The following RBMS3 variants were observed in gnomAD, a reference collection of about 807,000 sequenced individuals.
The protein encoded by RBMS3 is RNA-binding motif, single-stranded-interacting protein 3.
Under a neutral mutation model 66.8 loss-of-function variants are expected in RBMS3, and 27 were observed. That is an observed-to-expected ratio of 0.40 (90% CI 0.30 to 0.56). RBMS3 has a LOEUF of 0.56. Among genes scored for constraint, RBMS3 ranks in the 20% least tolerant of loss-of-function variants. The probability of loss-of-function intolerance (pLI) is 0.40; values close to 1 mark genes in which losing one functional copy is unlikely to be tolerated. For missense variants in RBMS3, 513 were observed against 549.5 expected, an observed-to-expected ratio of 0.93 and a Z score of 0.66; for synonymous variants, 188 against 183.0, an observed-to-expected ratio of 1.03 and a Z score of -0.22.
intron 2 of RBMS3, among the ~76,000 whole-genome samples, chr3:29,486,596 A>C (rs2043329597): frequency 1.3e-5 from 2 of 152,208 alleles, no homozygotes; most frequent in African/African-American, 4.8e-5. Flanking sequence ...AAATACTCAC[A>C]AATGCTTTCC....
At chr3:29,513,035 G>A (rs955764657) in intron 3 of RBMS3, among the ~76,000 whole-genome samples, 1 of 152,056 alleles carries the variant, frequency 6.6e-6, no homozygotes, top group African/African-American at 2.4e-5. Context: ...ATTATTTTCA[G>A]CAAGACCCCT....
chr3:29,619,242 C>A (rs1376006445), intron 4 of RBMS3, among the ~76,000 whole-genome samples: 1 of 148,196 alleles, frequency 6.7e-6, no homozygotes, highest in South Asian at 2.1e-4. Flanking sequence ...TGTGACAAAC[C>A]TGCATGTTCT....
intron 1 of RBMS3, among the ~76,000 whole-genome samples, chr3:29,377,284 G>T (rs1164445094): frequency 6.6e-6 from 1 of 152,182 alleles, no homozygotes; most frequent in African/African-American, 2.4e-5. Context: ...CTGGTTGTCA[G>T]ATGTGCTGGG....
At chr3:29,748,395 C>T (rs1576687500) in intron 5 of RBMS3, among the ~76,000 whole-genome samples, 1 of 152,124 alleles carries the variant, frequency 6.6e-6, no homozygotes, top group South Asian at 2.1e-4. Flanking sequence ...TTGAAGATGG[C>T]CACTCAGGAG....
chr3:29,898,968 C>T (rs1202376566), intron 9 of RBMS3, among the ~76,000 whole-genome samples: 1 of 151,480 alleles, frequency 6.6e-6, no homozygotes, highest in Non-Finnish European at 1.5e-5. Flanking sequence ...TGATTCTCAC[C>T]TTTCACCAGG....
At chr3:29,481,960 C>T (rs1004419385) in intron 2 of RBMS3, among the ~76,000 whole-genome samples, 6 of 152,092 alleles carry the variant, frequency 3.9e-5, no homozygotes, top group Non-Finnish European at 8.8e-5. Flanking sequence ...CTATAGAAAA[C>T]AGAACATAGT....
At chr3:29,883,597 T>A (rs2059787483) in intron 7 of RBMS3, among the ~76,000 whole-genome samples, 1 of 152,034 alleles carries the variant, frequency 6.6e-6, no homozygotes. Flanking sequence ...TGTTCTAGAA[T>A]TTTCTTCATA....
At chr3:29,760,373 C>A (rs977347945) in intron 5 of RBMS3, among the ~76,000 whole-genome samples, 2 of 152,006 alleles carry the variant, frequency 1.3e-5, no homozygotes, top group African/African-American at 4.8e-5. Context: ...AGGACTCTTG[C>A]AAGCAAGCTT....
At chr3:29,901,710 C>T (rs896789163) in intron 10 of RBMS3, among the ~76,000 whole-genome samples, 3 of 151,736 alleles carry the variant, frequency 2.0e-5, no homozygotes, top group Non-Finnish European at 2.9e-5. Flanking sequence ...GAGCTGATAT[C>T]GTATCACCTC....
At chr3:29,998,007 T>C (rs1039265075) in intron 14 of RBMS3, among the ~76,000 whole-genome samples, 2 of 152,232 alleles carry the variant, frequency 1.3e-5, no homozygotes, top group African/African-American at 4.8e-5. Flanking sequence ...CATGATTGTA[T>C]ATCTAGAAAA....
chr3:29,736,478 T>C (rs1866771), intron 4 of RBMS3, among the ~76,000 whole-genome samples: 82,487 of 152,096 alleles, frequency 0.54, 23,138 homozygotes, highest in African/African-American at 0.7. Flanking sequence ...GGTGCACTGA[T>C]GCCTGGAGAA....
intron 6 of RBMS3, among the ~76,000 whole-genome samples, chr3:29,828,587 T>G (rs1207888900): frequency 6.6e-6 from 1 of 152,162 alleles, no homozygotes; most frequent in East Asian, 1.9e-4. Context: ...ATTACCTAGT[T>G]CCTTAAATAA....
At position 30,006,039 on chromosome 3, in the gene RBMS3, A is replaced by G. The variant is rs1007714711; in HGVS notation, c.*2177A>G. On this transcript the variant is annotated 3_prime_UTR_variant, in exon 15 of 15. Coordinates refer to ENST00000383767, the MANE Select transcript of RBMS3 (RefSeq NM_001003793.3). ...TTTACAGTTTTACCTGAAATTAAGG[A>G]CAATGGAATAGAATTTGTTAAGTGA... is the stretch of plus-strand genomic sequence containing the variant. 1 of 151,894 alleles carries G rather than the reference A, an allele frequency of 6.6e-6. No individual in the cohort carries two copies. Among genetic ancestry groups the G allele is most frequent in the Non-Finnish European group, 1.5e-5 (1 of 67,854 alleles). 9.4% of individuals were successfully genotyped at this position (151,894 alleles called of 1,614,324 possible).
At chr3:29,678,683 G>A (rs2051358596) in intron 4 of RBMS3, among the ~76,000 whole-genome samples, 1 of 152,046 alleles carries the variant, frequency 6.6e-6, no homozygotes, top group Non-Finnish European at 1.5e-5. Flanking sequence ...CCCATGAGGA[G>A]GCAGTCACCC....
At chr3:29,690,959 C>A (rs1465961076) in intron 4 of RBMS3, among the ~76,000 whole-genome samples, 1 of 152,112 alleles carries the variant, frequency 6.6e-6, no homozygotes, top group African/African-American at 2.4e-5. Context: ...TCATAATTAG[C>A]ATGTGCTTAA....
intron 4 of RBMS3, among the ~76,000 whole-genome samples, chr3:29,690,919 G>A (rs2051975027): frequency 6.6e-6 from 1 of 152,122 alleles, no homozygotes; most frequent in African/African-American, 2.4e-5. Flanking sequence ...TCATGTCTCA[G>A]TGCAAAAGAA....
chr3:29,860,004 A>T (rs944162937), intron 6 of RBMS3, among the ~76,000 whole-genome samples: 6 of 152,262 alleles, frequency 3.9e-5, no homozygotes, highest in African/African-American at 1.4e-4. Context: ...CAAACATTTC[A>T]GAGGACTTAT....
chr3:29,615,957 T>G (rs2048656770), intron 4 of RBMS3: 1 of 152,140 alleles, frequency 6.6e-6, no homozygotes, highest in Non-Finnish European at 1.5e-5. Context: ...CTTTTTAATT[T>G]AGGGCTAAGG....
intron 10 of RBMS3, among the ~76,000 whole-genome samples, chr3:29,931,338 A>G (rs185143407): frequency 2.0e-5 from 3 of 152,330 alleles, no homozygotes; most frequent in African/African-American, 7.2e-5. Flanking sequence ...ATTAAGTGCT[A>G]AAGTGAAGTT....
Sources: gnomAD v4.1 joint callset for allele counts (sites outside exome capture counted in the v4.1 genomes callset) on GRCh38, gnomAD v4.1.1 for gene constraint, MANE v1.5 for transcripts, NCBI Gene and HGNC (gene_info 2026-07-23, HGNC 2026-07-21) for gene names.